Variants in SYNE1 observed in about 807,000 individuals in gnomAD.
The protein encoded by SYNE1 is spectrin repeat containing nuclear envelope protein 1.
SYNE1 carries 616 observed loss-of-function variants against 1,111.0 expected under a neutral mutation model. The observed-to-expected ratio is 0.55, with a 90% CI of 0.52 to 0.59. The LOEUF (loss-of-function observed/expected upper bound fraction) is 0.59. Among genes scored for constraint, SYNE1 ranks in the 20% least tolerant of loss-of-function variants. The probability of loss-of-function intolerance (pLI) is 0.00; values close to 1 mark genes in which losing one functional copy is unlikely to be tolerated. For missense variants in SYNE1, 10,006 were observed against 10,417.0 expected (o/e 0.96, Z 1.72); for synonymous variants, 3,855 against 3,825.8 (o/e 1.01, Z -0.28).
At chr6:152,516,657 T>C (rs2099113445) in intron 6 of SYNE1, among the ~76,000 whole-genome samples, 1 of 152,140 alleles carries the variant, frequency 6.6e-6, no homozygotes, top group Non-Finnish European at 1.5e-5. Context: ...CAGCTCACCG[T>C]AGCCTCAACC....
chr6:152,539,478 T>C (rs776606277), intron 4 of SYNE1, among the ~76,000 whole-genome samples: 10 of 152,234 alleles, frequency 6.6e-5, no homozygotes, highest in Non-Finnish European at 1.3e-4. Flanking sequence ...AATACTAGAA[T>C]GATTTTAGCC....
chr6:152,518,471 G>A (rs1203547388), intron 6 of SYNE1, among the ~76,000 whole-genome samples: 2 of 151,882 alleles, frequency 1.3e-5, no homozygotes, highest in South Asian at 2.1e-4. Flanking sequence ...CTGGCCATGT[G>A]ACGTCCCTGC....
chr6:152,609,171 G>A (rs950670139), intron 3 of SYNE1, among the ~76,000 whole-genome samples: 24 of 152,020 alleles, frequency 1.6e-4, no homozygotes, highest in East Asian at 9.8e-4. Context: ...GTGGGGCACC[G>A]CCTCACCTCG....
chr6:152,453,369 T>C, intron 25 of SYNE1: 2 of 671,116 alleles, frequency 3.0e-6, no homozygotes, highest in Non-Finnish European at 5.0e-6. Context: ...GCTCGAGTAA[T>C]AGGATAAAAT....
chr6:152,491,369 C>A (rs2098969362), intron 11 of SYNE1, among the ~76,000 whole-genome samples: 3 of 152,112 alleles, frequency 2.0e-5, no homozygotes, highest in Non-Finnish European at 4.4e-5. Flanking sequence ...ACATTACAGC[C>A]CAGGGCTGCT....
intron 138 of SYNE1, 100 bp downstream of exon 138, chr6:152,143,523 T>C (rs567985236): frequency 9.0e-6 from 14 of 1,552,324 alleles, no homozygotes; most frequent in Non-Finnish European, 1.2e-5. Context: ...CAGCATGGTA[T>C]TCAGAGACCA....
intron 130 of SYNE1, chr6:152,168,442 A>C: frequency 2.0e-6 from 1 of 493,770 alleles, no homozygotes; most frequent in Non-Finnish European, 3.6e-6. Context: ...CCACGAGTGT[A>C]AGAAGGGGAA....
At chr6:152,536,422 T>G (rs376034665) in intron 4 of SYNE1, among the ~76,000 whole-genome samples, 58 of 81,230 alleles carry the variant, frequency 7.1e-4, no homozygotes, top group East Asian at 1.2e-3. Context: ...AATATATATA[T>G]TTATATATAT....
In SYNE1 at chr6:152,284,136, T is replaced by C; in HGVS notation, c.18049A>G (p.Ile6017Val). 6.2e-7 allele frequency: 1 copy of C among 1,614,156 alleles called. No homozygotes were observed. The highest frequency in any genetic ancestry group is 8.5e-7 in the Non-Finnish European group (1 of 1,180,028). Residue 6017 changes from isoleucine to valine, a missense_variant, in exon 96 of 146, where the codon ATC (isoleucine) becomes GTC (valine). Around this residue, in one of 7 missense-constraint regions of SYNE1, gnomAD observed 4,955 missense variants for 5,017.2 expected, o/e 0.99. Coordinates refer to ENST00000367255, the MANE Select transcript of SYNE1 (RefSeq NM_182961.4). ...MDEILMLQDEINELQSSLAEE... is the reference protein window; with the variant it reads ...MDEILMLQDEVNELQSSLAEE... ...GCGAGAGAGGACTGGAGCTCATTGA[T>C]TTCATCCTGGAGCATGAGAATCTCA...
chr6:152,231,784 ATG>A (rs369191135), intron 113 of SYNE1, among the ~76,000 whole-genome samples: 3 of 148,908 alleles, frequency 2.0e-5, no homozygotes, highest in Admixed American at 6.7e-5. Context: ...ATACGTGTGT[ATG>A]TGTGTGTGTG....
intron 145 of SYNE1, chr6:152,128,921 A>T (rs1197473713): frequency 6.6e-6 from 1 of 152,248 alleles, no homozygotes; most frequent in Non-Finnish European, 1.5e-5. Flanking sequence ...GTTCAACCAC[A>T]ACCTGTCTGT....
chr6:152,577,107 G>A (rs1465898814), intron 3 of SYNE1, among the ~76,000 whole-genome samples: 1 of 152,120 alleles, frequency 6.6e-6, no homozygotes, highest in Admixed American at 6.5e-5. Context: ...AGCTAATAAA[G>A]TGTTTTTGTT....
chr6:152,177,478 T>C (rs1335206813), intron 129 of SYNE1, among the ~76,000 whole-genome samples: 1 of 152,210 alleles, frequency 6.6e-6, no homozygotes, highest in East Asian at 1.9e-4. Flanking sequence ...AGACGGGTAT[T>C]ATATGAGTGT....
chr6:152,512,120 C>T (rs927303377), intron 6 of SYNE1, among the ~76,000 whole-genome samples: 3 of 152,088 alleles, frequency 2.0e-5, no homozygotes, highest in African/African-American at 4.8e-5. Context: ...GATGCAAAAT[C>T]ATTTCACAAA....
At chr6:152,630,903 T>C (rs2099696818) in intron 2 of SYNE1, among the ~76,000 whole-genome samples, 2 of 151,900 alleles carry the variant, frequency 1.3e-5, no homozygotes, top group African/African-American at 4.8e-5. Context: ...GTGCATGCCC[T>C]CTCTCTCTCT....
chr6:152,367,197 T>C (rs958890484), intron 62 of SYNE1, 21 bp downstream of exon 62: 1 of 1,614,180 alleles, frequency 6.2e-7, no homozygotes, highest in African/African-American at 1.3e-5. Flanking sequence ...GTTGGAGATA[T>C]TTCTGTGTAA....
intron 6 of SYNE1, among the ~76,000 whole-genome samples, chr6:152,512,421 T>C (rs184825823): frequency 6.6e-6 from 1 of 152,316 alleles, no homozygotes; most frequent in African/African-American, 2.4e-5. Context: ...TCTACTATGA[T>C]CTCTAGGATC....
intron 4 of SYNE1, among the ~76,000 whole-genome samples, chr6:152,528,543 T>A (rs1381472325): frequency 6.6e-6 from 1 of 152,216 alleles, no homozygotes; most frequent in Non-Finnish European, 1.5e-5. Context: ...ATTTCTCCTG[T>A]CACATGTACA....
intron 3 of SYNE1, among the ~76,000 whole-genome samples, chr6:152,559,270 TA>T: frequency 6.6e-6 from 1 of 152,016 alleles, no homozygotes; most frequent in East Asian, 1.9e-4. Context: ...GCTAATGTTT[TA>T]AAATTTTTTT....
Sources: gnomAD v4.1 joint callset for allele counts (sites outside exome capture counted in the v4.1 genomes callset) on GRCh38, gnomAD v4.1.1 for gene constraint, gnomAD v4.1.1 regional missense constraint, MANE v1.5 for transcripts, NCBI Gene and HGNC (gene_info 2026-07-23, HGNC 2026-07-21) for gene names.